GRIP1: variants seen among roughly 807,000 people sequenced by gnomAD.
GRIP1 encodes the protein glutamate receptor-interacting protein 1.
In GRIP1, 45 loss-of-function variants were observed where a neutral mutation model predicts 129.9. The ratio of observed to expected loss-of-function variants is 0.35; its 90% CI spans 0.27 to 0.44. The LOEUF (loss-of-function observed/expected upper bound fraction) is 0.44. Ranked by LOEUF, GRIP1 falls within the 20% of genes least tolerant of loss-of-function variation. GRIP1 has a pLI of 1.00. For missense variants in GRIP1, 1,196 were observed against 1,396.8 expected (o/e 0.86, Z 2.29); for synonymous variants, 530 against 520.8 (o/e 1.02, Z -0.24).
At chr12:67,001,797 T>C (rs1334746247) in intron 1 of GRIP1, among the ~76,000 whole-genome samples, 1 of 152,112 alleles carries the variant, frequency 6.6e-6, no homozygotes, top group East Asian at 1.9e-4. Context: ...GACTCTCTCA[T>C]AGACACCCTT....
intron 1 of GRIP1, among the ~76,000 whole-genome samples, chr12:66,707,852 G>C (rs890011715): frequency 6.6e-6 from 1 of 151,880 alleles, no homozygotes; most frequent in African/African-American, 2.4e-5. Flanking sequence ...TAATAAAAAA[G>C]AAATTACTAG....
intron 20 of GRIP1, among the ~76,000 whole-genome samples, chr12:66,378,957 A>T (rs1009301805): frequency 1.3e-4 from 20 of 152,110 alleles, no homozygotes; most frequent in East Asian, 7.7e-4. Context: ...AAAAAATAAA[A>T]AAATAAATAA....
chr12:66,578,089 G>A (rs2063204955), intron 2 of GRIP1, among the ~76,000 whole-genome samples: 1 of 152,118 alleles, frequency 6.6e-6, no homozygotes, highest in African/African-American at 2.4e-5. Context: ...TGAAACTGCT[G>A]AAAACTTCAA....
At chr12:66,691,147 C>T (rs2034970372) in intron 1 of GRIP1, among the ~76,000 whole-genome samples, 1 of 152,144 alleles carries the variant, frequency 6.6e-6, no homozygotes, top group African/African-American at 2.4e-5. Context: ...TAACCTCCAC[C>T]ACTCAACTCC....
intron 1 of GRIP1, among the ~76,000 whole-genome samples, chr12:66,823,486 G>T (rs188682820): frequency 6.6e-6 from 1 of 152,162 alleles, no homozygotes; most frequent in East Asian, 1.9e-4. Context: ...ATCATTTACA[G>T]CTTCCTTGGT....
chr12:66,836,918 A>G (rs907266360), intron 1 of GRIP1, among the ~76,000 whole-genome samples: 5 of 152,246 alleles, frequency 3.3e-5, no homozygotes, highest in African/African-American at 1.2e-4. Context: ...TTTCAAAGAA[A>G]GGAAAGGTAC....
intron 1 of GRIP1, among the ~76,000 whole-genome samples, chr12:66,901,017 T>C (rs747063604): frequency 1.3e-5 from 2 of 152,170 alleles, no homozygotes; most frequent in African/African-American, 4.8e-5. Flanking sequence ...GGAGTAGAGA[T>C]ACATGAATGA....
At chr12:66,368,902 T>A (rs2137260234) in intron 23 of GRIP1, among the ~76,000 whole-genome samples, 1 of 152,218 alleles carries the variant, frequency 6.6e-6, no homozygotes, top group East Asian at 1.9e-4. Flanking sequence ...CTAACAAACA[T>A]CCTGGATGGT....
At chr12:66,992,386 T>TAA (rs1358551531) in intron 1 of GRIP1, among the ~76,000 whole-genome samples, 12 of 148,086 alleles carry the variant, frequency 8.1e-5, no homozygotes, top group Admixed American at 2.7e-4. Context: ...AAAAAAAATT[T>TAA]TTTTTTAAAT....
intron 1 of GRIP1, among the ~76,000 whole-genome samples, chr12:66,907,888 G>C (rs1456235151): frequency 6.6e-6 from 1 of 151,998 alleles, no homozygotes; most frequent in Non-Finnish European, 1.5e-5. Context: ...AAGGAGAAAG[G>C]GTCATGCCAA....
At chr12:66,513,355 T>C (rs1408535549) in intron 7 of GRIP1, among the ~76,000 whole-genome samples, 4 of 152,152 alleles carry the variant, frequency 2.6e-5, no homozygotes, top group Admixed American at 6.5e-5. Context: ...CTTATTCGGG[T>C]AACCTCAAAG....
At chr12:66,642,285 C>T (rs2032001702) in intron 1 of GRIP1, among the ~76,000 whole-genome samples, 1 of 98,580 alleles carries the variant, frequency 1.0e-5, no homozygotes, top group Non-Finnish European at 2.5e-5. Context: ...AGAACTCCAG[C>T]AAGAGGGAAC....
chr12:66,719,135 G>T (rs146981107), intron 1 of GRIP1, among the ~76,000 whole-genome samples: 7 of 152,154 alleles, frequency 4.6e-5, no homozygotes, highest in African/African-American at 1.4e-4. Context: ...AAAACAATAC[G>T]AAACAAAACA....
chr12:66,851,293 G>C (rs1411618557), intron 1 of GRIP1, among the ~76,000 whole-genome samples: 1 of 151,812 alleles, frequency 6.6e-6, no homozygotes, highest in Non-Finnish European at 1.5e-5. Flanking sequence ...AGTGGAGACG[G>C]GGCTGCACAG....
At chr12:66,373,112 T>TA (rs1235973655) in intron 22 of GRIP1, among the ~76,000 whole-genome samples, 6 of 152,272 alleles carry the variant, frequency 3.9e-5, no homozygotes, top group African/African-American at 1.4e-4. Flanking sequence ...TTTTTTGAGA[T>TA]AGACTCTCAC....
At chr12:66,637,220 AT>A (rs2031478948) in intron 1 of GRIP1, among the ~76,000 whole-genome samples, 1 of 152,118 alleles carries the variant, frequency 6.6e-6, no homozygotes, top group African/African-American at 2.4e-5. Flanking sequence ...AAATAAATAA[AT>A]AAATAAATAA....
intron 1 of GRIP1, among the ~76,000 whole-genome samples, chr12:67,006,514 G>C (rs965277044): frequency 6.6e-6 from 1 of 152,126 alleles, no homozygotes; most frequent in Non-Finnish European, 1.5e-5. Context: ...TGAAATCTGG[G>C]AAGTCAAGGC....
chr12:66,650,420 T>A (rs186817557), intron 1 of GRIP1, among the ~76,000 whole-genome samples: 1 of 152,316 alleles, frequency 6.6e-6, no homozygotes, highest in Non-Finnish European at 1.5e-5. Context: ...TCAGTCTGAC[T>A]CAAGAAATTA....
intron 2 of GRIP1, among the ~76,000 whole-genome samples, chr12:66,578,232 G>GTTTTTTTTTTTTTTTTTT (rs547352236): frequency 3.9e-5 from 4 of 102,508 alleles, no homozygotes; most frequent in East Asian, 3.3e-4. Flanking sequence ...CAAAACCGCG[G>GTTTTTTTTTTTTTTTTTT]TTTTTTTTTT....
Sources: allele counts gnomAD v4.1 joint callset (sites outside exome capture counted in the v4.1 genomes callset), GRCh38; gene constraint gnomAD v4.1.1; transcripts MANE v1.5; gene names NCBI Gene and HGNC (gene_info 2026-07-23, HGNC 2026-07-21).